GNG7: variants seen among roughly 807,000 people sequenced by gnomAD.
GNG7 encodes G protein subunit gamma 7.
Under a neutral mutation model 4.0 loss-of-function variants are expected in GNG7, and 1 was observed. The ratio of observed to expected loss-of-function variants is 0.25; its 90% CI spans 0.09 to 1.18. The LOEUF is 1.18. Ranked by LOEUF, GNG7 falls within the 50% of genes most tolerant of loss-of-function variation. The pLI is 0.50. For missense variants in GNG7, 86 were observed against 91.9 expected (o/e 0.94, Z 0.26); for synonymous variants, 34 against 36.9 (o/e 0.92, Z 0.29).
At chr19:2,664,578 A>C (rs1983257453) in intron 1 of GNG7, among the ~76,000 whole-genome samples, 1 of 152,090 alleles carries the variant, frequency 6.6e-6, no homozygotes, top group East Asian at 1.9e-4. Context: ...GGGGGAAGGA[A>C]CAATCAGACG....
chr19:2,531,725 C>T (rs1192189266), intron 3 of GNG7, among the ~76,000 whole-genome samples: 2 of 148,704 alleles, frequency 1.3e-5, no homozygotes, highest in Non-Finnish European at 3.0e-5. Flanking sequence ...GAACCGAGAT[C>T]GTGCCACTGC....
chr19:2,520,832 T>C (rs1978304413), intron 3 of GNG7, 107 bp from the exon 4 acceptor site: 1 of 599,622 alleles, frequency 1.7e-6, no homozygotes, highest in Admixed American at 2.7e-5. Flanking sequence ...GCACGGCCAC[T>C]TTGCCTCTGG....
intron 4 of GNG7, 51 bp from the exon 5 acceptor site, chr19:2,515,198 A>G: frequency 6.2e-7 from 1 of 1,608,578 alleles, no homozygotes; most frequent in East Asian, 2.2e-5. Flanking sequence ...AGAGGCTGGC[A>G]CACCCGGGTT....
At chr19:2,637,435 C>T (rs1037502079) in intron 2 of GNG7, among the ~76,000 whole-genome samples, 5 of 152,138 alleles carry the variant, frequency 3.3e-5, no homozygotes, top group African/African-American at 1.2e-4. Context: ...CTCTCCTCCC[C>T]GTCCGTCCTT....
rs765071633 is a variant in GNG7 at position 2,513,309 on chromosome 19, G to A, written c.*1713C>T. 23 of 329,856 alleles carry A rather than the reference G, an allele frequency of 7.0e-5. No individual in the cohort carries two copies. The highest frequency in any genetic ancestry group is 9.1e-5 in the Non-Finnish European group (21 of 230,704). The allele number at this position is 329,856 out of a possible 1,614,324, so 20.4% of individuals were successfully genotyped here. A position where few individuals can be genotyped will look rare whatever the true frequency, so the allele number is the denominator to read the frequency against. On this transcript the variant is annotated 3_prime_UTR_variant, in exon 5 of 5. Coordinates refer to ENST00000382159, the MANE Select transcript of GNG7 (RefSeq NM_052847.3). ...ACGCCTGTCTCCACTGGGGCCGGAGGGACAGGACTAGGCTAGTTTTATTCT... is the reference window on the plus strand; with the variant it reads ...ACGCCTGTCTCCACTGGGGCCGGAGAGACAGGACTAGGCTAGTTTTATTCT...
At chr19:2,630,734 G>A (rs1366586109) in intron 2 of GNG7, 1 of 151,464 alleles carries the variant, frequency 6.6e-6, no homozygotes, top group Non-Finnish European at 1.5e-5. Context: ...TTTGGACATA[G>A]TGTGGCTGGG....
chr19:2,627,169 G>A (rs1982042300), intron 2 of GNG7, among the ~76,000 whole-genome samples: 1 of 151,950 alleles, frequency 6.6e-6, no homozygotes, highest in Non-Finnish European at 1.5e-5. Flanking sequence ...TATCCCAGAG[G>A]GTCTCAACCA....
At chr19:2,636,093 G>GA (rs773432005) in intron 2 of GNG7, among the ~76,000 whole-genome samples, 2 of 151,972 alleles carry the variant, frequency 1.3e-5, no homozygotes, top group Non-Finnish European at 2.9e-5. Context: ...GTGTTATTTG[G>GA]AAAAAAACAG....
At chr19:2,652,573 C>T (rs1397362129) in intron 1 of GNG7, among the ~76,000 whole-genome samples, 3 of 152,054 alleles carry the variant, frequency 2.0e-5, no homozygotes, top group African/African-American at 4.8e-5. Flanking sequence ...GAGCTGGGAT[C>T]GTGCCACCTG....
chr19:2,522,751 CAAAAAAA>C (rs59490251), intron 3 of GNG7, among the ~76,000 whole-genome samples: 12 of 43,894 alleles, frequency 2.7e-4, no homozygotes, highest in African/African-American at 9.7e-4. Context: ...GACTCTGTCT[CAAAAAAA>C]AAAAAAAAAA....
intron 3 of GNG7, among the ~76,000 whole-genome samples, chr19:2,545,386 G>A (rs1979090957): frequency 6.6e-6 from 1 of 152,096 alleles, no homozygotes; most frequent in African/African-American, 2.4e-5. Flanking sequence ...GGTGGCTTAT[G>A]CCTGTATTTC....
chr19:2,562,231 C>T (rs1195949608), intron 2 of GNG7, among the ~76,000 whole-genome samples: 1 of 152,080 alleles, frequency 6.6e-6, no homozygotes, highest in Admixed American at 6.6e-5. Context: ...TCCCCACCTG[C>T]TCAGCCCCAG....
intron 2 of GNG7, among the ~76,000 whole-genome samples, chr19:2,580,992 C>T (rs1373695590): frequency 7.9e-5 from 12 of 151,870 alleles, no homozygotes; most frequent in African/African-American, 1.9e-4. Context: ...CTTGAACTCC[C>T]GATCCTAGAT....
intron 2 of GNG7, among the ~76,000 whole-genome samples, chr19:2,556,634 C>T (rs1166886041): frequency 6.6e-6 from 1 of 152,138 alleles, no homozygotes; most frequent in East Asian, 1.9e-4. Context: ...AAGCTGAGGT[C>T]GGCGGGAAGC....
chr19:2,527,062 T>C (rs1373295556), intron 3 of GNG7, among the ~76,000 whole-genome samples: 3 of 152,172 alleles, frequency 2.0e-5, no homozygotes, highest in Non-Finnish European at 4.4e-5. Flanking sequence ...GTCAGGCTGG[T>C]CTCAAACTCC....
chr19:2,648,354 C>T (rs1338082878), intron 1 of GNG7, among the ~76,000 whole-genome samples: 1 of 151,584 alleles, frequency 6.6e-6, no homozygotes, highest in East Asian at 1.9e-4. Context: ...TGCGATTGTG[C>T]CACTGCACTC....
intron 1 of GNG7, among the ~76,000 whole-genome samples, chr19:2,698,313 C>T (rs1451376243): frequency 6.6e-6 from 1 of 151,564 alleles, no homozygotes; most frequent in Non-Finnish European, 1.5e-5. Flanking sequence ...CCTGTAATCC[C>T]AACACTTTGG....
At chr19:2,577,853 T>C (rs963060230) in intron 2 of GNG7, among the ~76,000 whole-genome samples, 1 of 151,620 alleles carries the variant, frequency 6.6e-6, no homozygotes, top group African/African-American at 2.4e-5. Flanking sequence ...CCTTTTTTTT[T>C]TTTTTTGAGA....
intron 2 of GNG7, among the ~76,000 whole-genome samples, chr19:2,572,849 G>A (rs1024952476): frequency 4.0e-5 from 6 of 150,284 alleles, no homozygotes; most frequent in African/African-American, 1.2e-4. Flanking sequence ...CTCCCACCTC[G>A]GACTCCCAGG....
Sources: gnomAD v4.1 joint callset for allele counts (sites outside exome capture counted in the v4.1 genomes callset) on GRCh38, gnomAD v4.1.1 for gene constraint, MANE v1.5 for transcripts, NCBI Gene and HGNC (gene_info 2026-07-23, HGNC 2026-07-21) for gene names.